The following OR8D1 variants were observed in gnomAD, a reference collection of about 807,000 sequenced individuals.
The protein encoded by OR8D1 is olfactory receptor 8D1.
For missense variants in OR8D1, 384 were observed against 366.8 expected (o/e 1.05, Z -0.38); for synonymous variants, 143 against 147.0 (o/e 0.97, Z 0.20).
chr11:124,307,821 GCT>G lies in OR8D1; in HGVS notation c.*2017_*2018del, dbSNP rs1862380375. On this transcript the variant is annotated 3_prime_UTR_variant, in exon 3 of 3. Coordinates refer to ENST00000641015, the MANE Select transcript of OR8D1 (RefSeq NM_001002917.2). ...GTTAACTCTCACCAAATGGTCTCAA[GCT>G]CTCCCTGGATTTGTTAAATGTATAA... 1 of 152,054 alleles carries G rather than the reference GCT, an allele frequency of 6.6e-6. No homozygotes were observed. 9.4% of individuals were successfully genotyped at this position (152,054 alleles called of 1,614,324 possible).
At position 124,309,816 on chromosome 11, in the gene OR8D1, T is replaced by C. The variant is rs1420204875; in HGVS notation, c.*24A>G. The C allele has an allele frequency of 7.5e-7, 1 of 1,326,306 alleles. No individual in the cohort carries two copies. 82.2% of individuals were successfully genotyped at this position (1,326,306 alleles called of 1,614,324 possible). On this transcript the variant is annotated 3_prime_UTR_variant, in exon 3 of 3. Coordinates refer to ENST00000641015, the MANE Select transcript of OR8D1 (RefSeq NM_001002917.2). ...TCATTGGAACTATTCATTTTTCCCA[T>C]CTATAAATCCCCCAAATCAGGACTC... is the stretch of plus-strand genomic sequence containing the variant.
Position 124,309,785 on chromosome 11 carries a change from A to G in OR8D1, c.*55T>C. 1.0e-6 allele frequency: 1 copy of G among 990,502 alleles called. No individual in the cohort carries two copies. The highest frequency in any genetic ancestry group is 1.4e-6 in the Non-Finnish European group (1 of 704,252). The allele number at this position is 990,502 out of a possible 1,614,324, so 61.4% of individuals were successfully genotyped here. A position where few individuals can be genotyped will look rare whatever the true frequency, so the allele number is the denominator to read the frequency against. On this transcript the variant is annotated 3_prime_UTR_variant, in exon 3 of 3. Transcript: ENST00000641015. The stretch of plus-strand genomic sequence containing the variant: ...GAACATGAAAATAGAAAAAAGGAAT[A>G]TATGTTCATTGGAACTATTCATTTT...
At chr11:124,311,954 T>C (rs1489007342) in intron 1 of OR8D1, among the ~76,000 whole-genome samples, 2 of 152,156 alleles carry the variant, frequency 1.3e-5, no homozygotes, top group African/African-American at 4.8e-5. Context: ...CAGCAATGAA[T>C]GGAAAGGTTT....
rs1862368191 is a variant in OR8D1 at position 124,306,261 on chromosome 11, A to T, written c.*3579T>A. ...TCTATATATATTATCATTCTTGTTT[A>T]CCTCACCTTTAAGATTTATTAAAAT... On this transcript the variant is annotated 3_prime_UTR_variant, in exon 3 of 3. Transcript: ENST00000641015. 1 of 151,006 alleles carries T rather than the reference A, an allele frequency of 6.6e-6. No homozygotes were observed. Among genetic ancestry groups the T allele is most frequent in the Non-Finnish European group, 1.5e-5 (1 of 67,686 alleles). The allele number at this position is 151,006 out of a possible 1,614,324, so 9.4% of individuals were successfully genotyped here. A position where few individuals can be genotyped will look rare whatever the true frequency, so the allele number is the denominator to read the frequency against.
intron 1 of OR8D1, among the ~76,000 whole-genome samples, chr11:124,313,336 G>T (rs1862439922): frequency 6.6e-6 from 1 of 151,606 alleles, no homozygotes; most frequent in Non-Finnish European, 1.5e-5. Context: ...AGGAAAGAAA[G>T]AAAAAGAGGA....
chr11:124,305,406 C>A lies in OR8D1; in HGVS notation c.*4434G>T. On this transcript the variant is annotated 3_prime_UTR_variant, in exon 3 of 3. Coordinates refer to ENST00000641015, the MANE Select transcript of OR8D1 (RefSeq NM_001002917.2). ...ATGACAAAAGTGGATTCATGATTGCCTAGGAAAGGGTGGAAAAAGGTTGAG... is the reference window on the plus strand; with the variant it reads ...ATGACAAAAGTGGATTCATGATTGCATAGGAAAGGGTGGAAAAAGGTTGAG... 1 of 150,780 alleles carries A rather than the reference C, an allele frequency of 6.6e-6. No individual in the cohort carries two copies. The highest frequency in any genetic ancestry group is 2.1e-4 in the South Asian group (1 of 4,760). 9.3% of individuals were successfully genotyped at this position (150,780 alleles called of 1,614,324 possible).
chr11:124,310,778 C>T lies in OR8D1; in HGVS notation c.-12G>A. 1 of 1,592,620 alleles carries T rather than the reference C, an allele frequency of 6.3e-7. No individual in the cohort carries two copies. On this transcript the variant is annotated 5_prime_UTR_variant, in exon 3 of 3. The change abolishes an upstream ATG in the 5' untranslated region. Transcript: ENST00000641015. The stretch of plus-strand genomic sequence containing the variant: ...TTTTCCATGGTCATTCTTCTTTAGG[C>T]ATTTCTGTGAAAATAGAAAGTATGA...
chr11:124,310,263 A>C lies in OR8D1; in HGVS notation c.504T>G (p.Phe168Leu). ...THTSAMMKLS[F>L]CKSHIINHYF... Reference sequence around the variant, plus strand: ...AATGGTTGATAATGTGGGATTTGCAAAAGGACAGTTTCATCATGGCACTTG... The same window carrying C: ...AATGGTTGATAATGTGGGATTTGCACAAGGACAGTTTCATCATGGCACTTG... The change falls in exon 3 of 3, where the codon TTT becomes TTG. Residue 168 changes from phenylalanine to leucine, a missense_variant. Phe to Leu is a conservative substitution (Grantham distance 22). Transcript: ENST00000641015. 6.2e-7 allele frequency: 1 copy of C among 1,613,872 alleles called. No individual in the cohort carries two copies. The highest frequency in any genetic ancestry group is 8.5e-7 in the Non-Finnish European group (1 of 1,179,932).
chr11:124,310,315 A>G lies in OR8D1; in HGVS notation c.452T>C (p.Leu151Ser). Reference protein sequence around the residue: ...CSLLVLAAFFLGFLSALTHTS... With the variant: ...CSLLVLAAFFSGFLSALTHTS... Reference sequence around the variant, plus strand: ...ATGAGTCAAGGCAGAGAGAAAGCCCAAGAAGAAGGCAGCCAGCACTAGCAG... The same window carrying G: ...ATGAGTCAAGGCAGAGAGAAAGCCCGAGAAGAAGGCAGCCAGCACTAGCAG... The change falls in exon 3 of 3, where the codon TTG becomes TCG. Residue 151 changes from leucine (L) to serine (S), a missense_variant. By Grantham distance (145) the Leu-to-Ser change is moderately radical. Transcript: ENST00000641015. 1.2e-6 allele frequency: 2 copies of G among 1,613,788 alleles called. No individual in the cohort carries two copies.
At chr11:124,312,795 T>C (rs904886157) in intron 1 of OR8D1, among the ~76,000 whole-genome samples, 2 of 151,686 alleles carry the variant, frequency 1.3e-5, no homozygotes, top group Non-Finnish European at 2.9e-5. Context: ...TGGGAGAACA[T>C]TTCTTTAGAT....
rs1375659025 is a variant in OR8D1, at chr11:124,305,253, T to C, written c.*4587A>G. 6.6e-6 allele frequency: 1 copy of C among 152,008 alleles called. No homozygotes were observed. Among genetic ancestry groups the C allele is most frequent in the African/African-American group, 2.4e-5 (1 of 41,420 alleles). The allele number at this position is 152,008 out of a possible 1,614,324, so 9.4% of individuals were successfully genotyped here. A position where few individuals can be genotyped will look rare whatever the true frequency, so the allele number is the denominator to read the frequency against. On this transcript the variant is annotated 3_prime_UTR_variant, in exon 3 of 3. Coordinates refer to ENST00000641015, the MANE Select transcript of OR8D1 (RefSeq NM_001002917.2). ...AAAGGAAAATGTCAAGGCAAGTTGA[T>C]AGTGCTATGATGCATGCAAATCATG...
rs1271167868 is a variant in OR8D1, at chr11:124,309,744, G to C, written c.*96C>G. On this transcript the variant is annotated 3_prime_UTR_variant, in exon 3 of 3. Coordinates refer to ENST00000641015, the MANE Select transcript of OR8D1 (RefSeq NM_001002917.2). ...AGTATTTTTAAAATCTAGATATTAT[G>C]TATGTTACAACAGAAGAACATGAAA... The C allele has an allele frequency of 6.6e-6, 4 of 605,246 alleles. No homozygotes were observed. Among genetic ancestry groups the C allele is most frequent in the Non-Finnish European group, 1.1e-5 (4 of 380,926 alleles). The allele number at this position is 605,246 out of a possible 1,614,324, so 37.5% of individuals were successfully genotyped here.
At chr11:124,313,286 G>GA (rs1565332375) in intron 1 of OR8D1, among the ~76,000 whole-genome samples, 1 of 139,174 alleles carries the variant, frequency 7.2e-6, no homozygotes, top group East Asian at 2.1e-4. Context: ...GAGAGAGAAA[G>GA]AAAAAAGGAA....
Position 124,307,874 on chromosome 11 carries a change from A to G in OR8D1, c.*1966T>C, listed in dbSNP as rs186834442. The G allele has an allele frequency of 1.2e-4, 18 of 152,192 alleles. No individual in the cohort carries two copies. Among genetic ancestry groups the G allele is most frequent in the Admixed American group, 1.2e-3 (18 of 15,246 alleles). 9.4% of individuals were successfully genotyped at this position (152,192 alleles called of 1,614,324 possible). On this transcript the variant is annotated 3_prime_UTR_variant, in exon 3 of 3. Transcript: ENST00000641015. ...GTTCTGAGCAGGGCTACAAATACCC[A>G]TCTTCTAAATTGGAGCTTTCCCTTT...
Position 124,306,352 on chromosome 11 carries a change from T to A in OR8D1, c.*3488A>T, listed in dbSNP as rs368853098. On this transcript the variant is annotated 3_prime_UTR_variant, in exon 3 of 3. Transcript: ENST00000641015. ...TTTATTTGAATTTTTATTTTTAGTA[T>A]GGTTGACCAAGTTTAATAGCTACTA... The A allele has an allele frequency of 6.7e-6, 1 of 149,074 alleles. No individual in the cohort carries two copies. The highest frequency in any genetic ancestry group is 1.9e-4 in the East Asian group (1 of 5,134). The allele number at this position is 149,074 out of a possible 1,614,324, so 9.2% of individuals were successfully genotyped here.
In OR8D1 at chr11:124,310,475, T is replaced by C. The variant is rs1290103679; in HGVS notation, c.292A>G (p.Met98Val). 2 of 1,613,718 alleles carry C rather than the reference T, an allele frequency of 1.2e-6. No individual in the cohort carries two copies. The highest frequency in any genetic ancestry group is 1.7e-6 in the Non-Finnish European group (2 of 1,179,890). Residue 98 changes from methionine (M) to valine (V), a missense_variant, in exon 3 of 3, where the codon ATG (methionine) becomes GTG (valine). Met to Val is a conservative substitution (Grantham distance 21). Coordinates refer to ENST00000641015, the MANE Select transcript of OR8D1 (RefSeq NM_001002917.2). ...ACCACAAAGAAAAAGAGCTGGACCATGCACTCAGAGTAAAGGATTGTATTC... is the reference window on the plus strand; with the variant it reads ...ACCACAAAGAAAAAGAGCTGGACCACGCACTCAGAGTAAAGGATTGTATTC... ...KKNTILYSEC[M>V]VQLFFFVVFV...
At chr11:124,311,266 G>C (rs568462624) in intron 2 of OR8D1, among the ~76,000 whole-genome samples, 1 of 152,090 alleles carries the variant, frequency 6.6e-6, no homozygotes, top group Non-Finnish European at 1.5e-5. Flanking sequence ...TGGGCATGGG[G>C]TTGGGTGTAA....
rs1176658083 is a variant in OR8D1 at position 124,305,688 on chromosome 11, A to T, written c.*4152T>A. 6.6e-6 allele frequency: 1 copy of T among 151,922 alleles called. No homozygotes were observed. The highest frequency in any genetic ancestry group is 1.5e-5 in the Non-Finnish European group (1 of 67,890). 9.4% of individuals were successfully genotyped at this position (151,922 alleles called of 1,614,324 possible). On this transcript the variant is annotated 3_prime_UTR_variant, in exon 3 of 3. Coordinates refer to ENST00000641015, the MANE Select transcript of OR8D1 (RefSeq NM_001002917.2). ...TTCTGTGTATACATATATAAAATTC[A>T]TTAAAATGCAGTGGAGGAATATCTT...
Position 124,310,246 on chromosome 11 carries a change from A to G in OR8D1, c.521T>C (p.Ile174Thr), listed in dbSNP as rs1416727574. The change falls in exon 3 of 3, where the codon ATC becomes ACC. Residue 174 changes from isoleucine (I) to threonine (T), a missense_variant. Ile to Thr is a moderately conservative substitution (Grantham distance 89). Transcript: ENST00000641015. ...MKLSFCKSHI[I>T]NHYFCDVLPL... is the part of the protein sequence containing the mutation. ...AAGAACATCACAGAAGTAATGGTTG[A>G]TAATGTGGGATTTGCAAAAGGACAG... 4.3e-6 allele frequency: 7 copies of G among 1,613,878 alleles called. No individual in the cohort carries two copies. The highest frequency in any genetic ancestry group is 5.9e-6 in the Non-Finnish European group (7 of 1,179,928).
Sources: gnomAD v4.1 joint callset for allele counts (sites outside exome capture counted in the v4.1 genomes callset) on GRCh38, gnomAD v4.1.1 for gene constraint, MANE v1.5 for transcripts, NCBI Gene and HGNC (gene_info 2026-07-23, HGNC 2026-07-21) for gene names.